The following AKAP9 variants were observed in gnomAD, a reference collection of about 807,000 sequenced individuals.
AKAP9 encodes the protein A-kinase anchoring protein 9.
In AKAP9, 311 loss-of-function variants were observed where a neutral mutation model predicts 488.5. That is an observed-to-expected ratio of 0.64 (90% CI 0.58 to 0.70). The LOEUF is 0.70. AKAP9 is among the 30% of genes least tolerant of loss of function. The pLI, the probability that AKAP9 is intolerant of heterozygous loss-of-function variation, is 0.00. For missense variants in AKAP9, 4,215 were observed against 4,374.5 expected, an observed-to-expected ratio of 0.96 and a Z score of 1.03; for synonymous variants, 1,462 against 1,483.5, an observed-to-expected ratio of 0.99 and a Z score of 0.33.
intron 3 of AKAP9, among the ~76,000 whole-genome samples, chr7:91,985,372 CAT>C (rs1467840392): frequency 6.6e-6 from 1 of 152,076 alleles, no homozygotes; most frequent in Non-Finnish European, 1.5e-5. Flanking sequence ...TTGAGATAAT[CAT>C]GTGGTTTTTG....
At chr7:92,034,811 T>C (rs1804926730) in intron 16 of AKAP9, among the ~76,000 whole-genome samples, 1 of 152,064 alleles carries the variant, frequency 6.6e-6, no homozygotes, top group Admixed American at 6.6e-5. Context: ...TAGTATTCTT[T>C]TATCATTTAA....
chr7:92,027,956 C>A (rs1349792469), intron 14 of AKAP9, among the ~76,000 whole-genome samples: 1 of 152,036 alleles, frequency 6.6e-6, no homozygotes, highest in Non-Finnish European at 1.5e-5. Flanking sequence ...AAGAAAAATT[C>A]TTCTGCCTTG....
At chr7:91,955,079 C>T (rs190747703) in intron 1 of AKAP9, among the ~76,000 whole-genome samples, 5 of 152,132 alleles carry the variant, frequency 3.3e-5, no homozygotes, top group Non-Finnish European at 7.4e-5. Flanking sequence ...GATGAATCTC[C>T]TCGTGTTATC....
intron 21 of AKAP9, among the ~76,000 whole-genome samples, chr7:92,050,055 T>C (rs1342537124): frequency 6.6e-6 from 1 of 150,842 alleles, no homozygotes. Context: ...AAGGTAAATT[T>C]CAGCAAACTT....
chr7:91,977,673 TC>T (rs1795880807), intron 2 of AKAP9, among the ~76,000 whole-genome samples: 1 of 152,252 alleles, frequency 6.6e-6, no homozygotes, highest in African/African-American at 2.4e-5. Context: ...GACTATCCTT[TC>T]CTTTTTTTGT....
chr7:92,085,070 A>G (rs1814281007), intron 35 of AKAP9, 130 bp downstream of exon 35: 7 of 1,017,114 alleles, frequency 6.9e-6, no homozygotes, highest in Non-Finnish European at 1.0e-5. Flanking sequence ...GGAATCTGAG[A>G]GATCTATTTT....
At chr7:92,036,318 T>G (rs577015969) in intron 16 of AKAP9, among the ~76,000 whole-genome samples, 131 of 152,146 alleles carry the variant, frequency 8.6e-4, no homozygotes, top group Admixed American at 3.7e-3. Flanking sequence ...TTTTTAATTT[T>G]TTTTATTTTA....
At chr7:91,968,061 C>A (rs1204333364) in intron 1 of AKAP9, among the ~76,000 whole-genome samples, 1 of 152,072 alleles carries the variant, frequency 6.6e-6, no homozygotes, top group Non-Finnish European at 1.5e-5. Context: ...TGTCAGCCTC[C>A]CAAGTAGCTG....
chr7:92,080,689 A>G (rs1212030954), intron 31 of AKAP9, among the ~76,000 whole-genome samples: 1 of 152,206 alleles, frequency 6.6e-6, no homozygotes, highest in Non-Finnish European at 1.5e-5. Flanking sequence ...GGTAGCATTC[A>G]GAACCAGAGG....
intron 3 of AKAP9, among the ~76,000 whole-genome samples, chr7:91,991,211 G>A (rs1169082107): frequency 2.6e-5 from 4 of 152,176 alleles, no homozygotes; most frequent in Non-Finnish European, 5.9e-5. Flanking sequence ...GGACACATCA[G>A]AATGCTTCAT....
rs143335607 is a variant in AKAP9, at chr7:91,975,751, A to G, written c.306+1783A>G. Among the ~76,000 whole-genome samples, 1,093 of 151,926 alleles carry G rather than the reference A, an allele frequency of 7.2e-3. 12 individuals are homozygous for G. Among genetic ancestry groups the G allele is most frequent in the Non-Finnish European group, 7.7e-3 (525 of 67,934 alleles). ...GGTTTTTTTTTAACCATTGAGTTTTATATTAGCTGTTTTTGTTTTGTTTTG... is the reference window on the plus strand; with the variant it reads ...GGTTTTTTTTTAACCATTGAGTTTTGTATTAGCTGTTTTTGTTTTGTTTTG... On this transcript the variant is annotated intron_variant, in intron 2 of 49. Transcript: ENST00000356239.
At chr7:92,088,708 A>G (rs1223139665) in intron 37 of AKAP9, among the ~76,000 whole-genome samples, 1 of 152,182 alleles carries the variant, frequency 6.6e-6, no homozygotes, top group Non-Finnish European at 1.5e-5. Context: ...ACGTGAACCT[A>G]TCCATACATG....
At chr7:91,951,882 A>G (rs1792299726) in intron 1 of AKAP9, among the ~76,000 whole-genome samples, 1 of 152,086 alleles carries the variant, frequency 6.6e-6, no homozygotes, top group Non-Finnish European at 1.5e-5. Context: ...CTCAAAAAAT[A>G]AAAATAAAAA....
intron 1 of AKAP9, among the ~76,000 whole-genome samples, chr7:91,944,605 T>C (rs1791197825): frequency 6.6e-6 from 1 of 152,198 alleles, no homozygotes; most frequent in African/African-American, 2.4e-5. Flanking sequence ...CAGGCTGGTC[T>C]CGAACTCCTG....
intron 24 of AKAP9, 108 bp downstream of exon 24, chr7:92,062,594 A>G: frequency 1.2e-6 from 1 of 868,626 alleles, no homozygotes; most frequent in Non-Finnish European, 1.8e-6. Context: ...CATATATTTT[A>G]TAGAGAGATT....
rs61757557 is a variant in AKAP9 at position 92,002,498 on chromosome 7, T to C, written c.2581T>C (p.Tyr861His). 964 of 1,610,938 alleles carry C rather than the reference T, an allele frequency of 6.0e-4. No individual in the cohort carries two copies. The highest frequency in any genetic ancestry group is 5.3e-4 in the Non-Finnish European group (630 of 1,178,914). ...TGCTGAAAAAAACTTTGAAGTTAAC[T>C]ATCAAGAGTTACAAGAGGAGTATGC... ...SFAEKNFEVNYQELQEEYACL... is the reference protein window; with the variant it reads ...SFAEKNFEVNHQELQEEYACL... The change falls in exon 8 of 50, where the codon TAT becomes CAT. Residue 861 changes from tyrosine (Y) to histidine (H), a missense_variant. By Grantham distance (83) the Tyr-to-His change is moderately conservative (BLOSUM62 2). This residue lies in a region of AKAP9 where 2,361 missense variants were observed against 2,430.0 expected (regional missense o/e 0.97). Coordinates refer to ENST00000356239, the MANE Select transcript of AKAP9 (RefSeq NM_005751.5).
chr7:92,102,196 AATAAATAG>A (rs1486729142), intron 45 of AKAP9, among the ~76,000 whole-genome samples: 5,148 of 149,332 alleles, frequency 0.034, 276 homozygotes, highest in African/African-American at 0.12. Flanking sequence ...TAAATAAATA[AATAAATAG>A]ATAGATTAGT....
chr7:91,944,954 A>G (rs773503072), intron 1 of AKAP9, among the ~76,000 whole-genome samples: 4 of 152,196 alleles, frequency 2.6e-5, no homozygotes, highest in Non-Finnish European at 5.9e-5. Context: ...TGCTATGGGC[A>G]TGCTCTTACT....
chr7:92,067,487 A>ATGGGTCAGACTGCACTACATC (rs1810961377), intron 26 of AKAP9, among the ~76,000 whole-genome samples: 4 of 152,064 alleles, frequency 2.6e-5, no homozygotes, highest in Non-Finnish European at 5.9e-5. Flanking sequence ...CAACCCACTG[A>ATGGGTCAGACTGCACTACATC]TGGGTCAGAC....
Sources: gnomAD v4.1 joint callset for allele counts (sites outside exome capture counted in the v4.1 genomes callset) on GRCh38, gnomAD v4.1.1 for gene constraint, gnomAD v4.1.1 regional missense constraint, MANE v1.5 for transcripts, NCBI Gene and HGNC (gene_info 2026-07-23, HGNC 2026-07-21) for gene names.